Variants in PRKAA2 observed in about 807,000 individuals in gnomAD.
PRKAA2 encodes protein kinase AMP-activated catalytic subunit alpha 2, also known as 5'-AMP-activated protein kinase catalytic subunit alpha-2.
In PRKAA2, 40 loss-of-function variants were observed where a neutral mutation model predicts 56.3. The observed-to-expected ratio is 0.71, with a 90% CI of 0.55 to 0.92. The LOEUF is 0.92. Ranked by LOEUF, PRKAA2 falls within the 40% of genes least tolerant of loss-of-function variation. The probability of loss-of-function intolerance (pLI) is 0.00; values close to 1 mark genes in which losing one functional copy is unlikely to be tolerated. For missense variants in PRKAA2, 542 were observed against 686.9 expected (o/e 0.79, Z 2.36); for synonymous variants, 214 against 234.2 (o/e 0.91, Z 0.79).
At chr1:56,675,601 A>G (rs1281406439) in intron 2 of PRKAA2, among the ~76,000 whole-genome samples, 1 of 151,746 alleles carries the variant, frequency 6.6e-6, no homozygotes, top group Non-Finnish European at 1.5e-5. Flanking sequence ...AGAGTTATAT[A>G]AATTCCTTTT....
At chr1:56,697,579 C>T (rs1257519761) in intron 6 of PRKAA2, among the ~76,000 whole-genome samples, 3 of 152,046 alleles carry the variant, frequency 2.0e-5, no homozygotes, top group African/African-American at 7.2e-5. Flanking sequence ...GTTTATAGTT[C>T]TTTAGCATAT....
rs193248027 is a variant in PRKAA2 at position 56,699,720 on chromosome 1, T to A, written c.788+3561T>A. ...ATCTAATTCCAGAACTATTTTATCA[T>A]CCGTGAAAGAAACTATACACACTAA... On this transcript the variant is annotated intron_variant, in intron 6 of 8. Transcript: ENST00000371244. Among the ~76,000 whole-genome samples the A allele has an allele frequency of 3.0e-4, 46 of 152,332 alleles. No homozygotes were observed. The East Asian group carries it at 8.3e-3, about 27-fold the overall frequency.
At chr1:56,668,400 A>G (rs1275465124) in intron 1 of PRKAA2, among the ~76,000 whole-genome samples, 1 of 126,048 alleles carries the variant, frequency 7.9e-6, no homozygotes, top group African/African-American at 3.1e-5. Flanking sequence ...TGTACCCCAA[A>G]ACTTAAAGTA....
intron 2 of PRKAA2, among the ~76,000 whole-genome samples, chr1:56,684,440 T>C (rs1410725884): frequency 6.6e-6 from 1 of 151,950 alleles, no homozygotes; most frequent in Non-Finnish European, 1.5e-5. Flanking sequence ...TAAGACTGGA[T>C]GAAATCACCA....
intron 6 of PRKAA2, among the ~76,000 whole-genome samples, chr1:56,700,137 C>T (rs144522291): frequency 1.3e-5 from 2 of 152,164 alleles, no homozygotes; most frequent in African/African-American, 4.8e-5. Flanking sequence ...GTTGTTGCTG[C>T]TACTTCTGTT....
chr1:56,698,555 C>A (rs746627210), intron 6 of PRKAA2, among the ~76,000 whole-genome samples: 2 of 152,114 alleles, frequency 1.3e-5, no homozygotes, highest in African/African-American at 2.4e-5. Flanking sequence ...ATAAGGAGCA[C>A]AATGGGGCTC....
At chr1:56,693,985 T>TCC in intron 5 of PRKAA2, 133 bp downstream of exon 5, 1 of 579,064 alleles carries the variant, frequency 1.7e-6, no homozygotes, top group Non-Finnish European at 2.9e-6. Context: ...TTTCCACTGT[T>TCC]AAAGGGATAA....
chr1:56,651,088 T>G (rs1444576478), intron 1 of PRKAA2, among the ~76,000 whole-genome samples: 3 of 152,194 alleles, frequency 2.0e-5, no homozygotes, highest in African/African-American at 7.2e-5. Flanking sequence ...GGCCTTGTTT[T>G]CTTCCCCTCC....
At chr1:56,681,960 C>T (rs1644158303) in intron 2 of PRKAA2, among the ~76,000 whole-genome samples, 1 of 151,870 alleles carries the variant, frequency 6.6e-6, no homozygotes, top group Non-Finnish European at 1.5e-5. Flanking sequence ...TGGCCATTTT[C>T]ACGATATTGA....
intron 2 of PRKAA2, among the ~76,000 whole-genome samples, chr1:56,689,093 A>G (rs557457641): frequency 4.6e-5 from 7 of 152,252 alleles, no homozygotes; most frequent in African/African-American, 1.7e-4. Context: ...AGCTAAATTT[A>G]TTTATTAGAA....
At chr1:56,679,430 G>A (rs1644137603) in intron 2 of PRKAA2, among the ~76,000 whole-genome samples, 1 of 152,106 alleles carries the variant, frequency 6.6e-6, no homozygotes, top group African/African-American at 2.4e-5. Flanking sequence ...TTACTTCTCT[G>A]TTTTTGGAGG....
intron 1 of PRKAA2, among the ~76,000 whole-genome samples, chr1:56,672,666 T>TACC: frequency 6.6e-6 from 1 of 152,008 alleles, no homozygotes; most frequent in East Asian, 1.9e-4. Context: ...GAGAGAGAAA[T>TACC]ACCACCAAAA....
intron 2 of PRKAA2, among the ~76,000 whole-genome samples, chr1:56,683,451 G>T (rs969667231): frequency 2.0e-5 from 3 of 152,122 alleles, no homozygotes; most frequent in Non-Finnish European, 2.9e-5. Context: ...TTTGTTTGGT[G>T]CACAGAGTAT....
At chr1:56,676,813 G>C (rs929554015) in intron 2 of PRKAA2, among the ~76,000 whole-genome samples, 5 of 152,188 alleles carry the variant, frequency 3.3e-5, no homozygotes, top group Admixed American at 2.6e-4. Flanking sequence ...GCCACTGACT[G>C]TTCAGAGCAG....
rs371637215 is a variant in PRKAA2, at chr1:56,693,812, G to T, written c.523G>T (p.Gly175Ter). 3.1e-6 allele frequency: 5 copies of T among 1,600,044 alleles called. No individual in the cohort carries two copies. In the African/African-American group the frequency reaches 6.7e-5, roughly 21 times the overall value. Residue 175 changes from glycine to a stop codon, truncating the protein, a stop_gained, in exon 5 of 9, where the codon GGA (glycine) becomes TGA (stop). Coordinates refer to ENST00000371244, the MANE Select transcript of PRKAA2 (RefSeq NM_006252.4). LOFTEE classifies it high-confidence loss of function. ...TGGTGAATTTCTGAGAACTAGTTGC[G>T]GATCTCCAAATTATGCAGCACCTGA... is the stretch of plus-strand genomic sequence containing the variant. ...SDGEFLRTSC[G>*]SPNYAAPEVI...
chr1:56,657,251 AG>A (rs573204176), intron 1 of PRKAA2, among the ~76,000 whole-genome samples: 156 of 152,354 alleles, frequency 1.0e-3, no homozygotes, highest in Non-Finnish European at 1.7e-3. Flanking sequence ...TCAAAGGGAC[AG>A]TAATAAGTTG....
At chr1:56,685,597 G>T (rs1159510354) in intron 2 of PRKAA2, among the ~76,000 whole-genome samples, 1 of 152,096 alleles carries the variant, frequency 6.6e-6, no homozygotes, top group East Asian at 1.9e-4. Context: ...TTTGGCTAGA[G>T]GTACACTACA....
At chr1:56,646,168 G>C (rs1483152818) in intron 1 of PRKAA2, among the ~76,000 whole-genome samples, 1 of 152,150 alleles carries the variant, frequency 6.6e-6, no homozygotes, top group Non-Finnish European at 1.5e-5. Flanking sequence ...GTGACTGTTT[G>C]GGGGATGCTC....
At chr1:56,691,568 A>T in intron 3 of PRKAA2, 81 bp downstream of exon 3, 1 of 1,130,380 alleles carries the variant, frequency 8.8e-7, no homozygotes, top group Non-Finnish European at 1.2e-6. Flanking sequence ...ATGCAAAGAT[A>T]TCTTCAAGGT....
Sources: allele counts gnomAD v4.1 joint callset (sites outside exome capture counted in the v4.1 genomes callset), GRCh38; gene constraint gnomAD v4.1.1; transcripts MANE v1.5; gene names NCBI Gene and HGNC (gene_info 2026-07-23, HGNC 2026-07-21).